NPHS1: variants seen among roughly 807,000 people sequenced by gnomAD.
NPHS1 encodes NPHS1 adhesion molecule, nephrin, also known as nephrin.
A neutral mutation model predicts 139.7 loss-of-function variants in NPHS1; 107 were observed. The observed-to-expected ratio is 0.77, with a 90% CI of 0.66 to 0.90. The LOEUF is 0.90. Among genes scored for constraint, NPHS1 ranks in the 40% least tolerant of loss-of-function variants. The pLI is 0.00. For synonymous variants in NPHS1, 707 were observed against 706.6 expected (o/e 1.00, Z -0.01); for missense variants, 1,580 against 1,654.2 (o/e 0.96, Z 0.78).
At chr19:35,832,806 G>T (rs1356095548) in intron 23 of NPHS1, among the ~76,000 whole-genome samples, 1 of 142,234 alleles carries the variant, frequency 7.0e-6, no homozygotes, top group Non-Finnish European at 1.5e-5. Context: ...GGAATCACTT[G>T]AACTGGGGAG....
At position 35,839,525 on chromosome 19, in the gene NPHS1, A is replaced by T. The variant is rs760454906; in HGVS notation, c.2898T>A (p.Asp966Glu). Residue 966 changes from aspartate (D) to glutamate (E), a missense_variant, in exon 21 of 29, where the codon GAT (aspartate) becomes GAA (glutamate). Asp to Glu is a conservative substitution (Grantham distance 45). Coordinates refer to ENST00000378910, the MANE Select transcript of NPHS1 (RefSeq NM_004646.4). ...SVGLEWKPGF[D>E]GGLPQRFCIR... ...TGCAGAACCTCTGTGGCAGGCCCCCATCAAAGCCAGGCTTCCACTCCAGCC... is the reference window on the plus strand; with the variant it reads ...TGCAGAACCTCTGTGGCAGGCCCCCTTCAAAGCCAGGCTTCCACTCCAGCC... 6.2e-7 allele frequency: 1 copy of T among 1,612,210 alleles called. No individual in the cohort carries two copies. The highest frequency in any genetic ancestry group is 2.2e-5 in the East Asian group (1 of 44,856).
intron 16 of NPHS1, chr19:35,843,796 T>C: frequency 1.5e-6 from 1 of 678,182 alleles, no homozygotes. Flanking sequence ...CTGTGATAAT[T>C]AGAGTGAGTT....
intron 23 of NPHS1, among the ~76,000 whole-genome samples, chr19:35,832,620 T>G (rs945396493): frequency 6.6e-6 from 1 of 151,632 alleles, no homozygotes; most frequent in Non-Finnish European, 1.5e-5. Context: ...CTGGGCACGG[T>G]GGCTCACGCC....
chr19:35,848,450 G>T, intron 9 of NPHS1, 53 bp from the exon 10 acceptor site: 2 of 1,612,854 alleles, frequency 1.2e-6, no homozygotes, highest in South Asian at 2.2e-5. Flanking sequence ...TATCCATCGT[G>T]CTAGAGGCCT....
intron 20 of NPHS1, 32 bp downstream of exon 20, chr19:35,841,683 C>T (rs755466796): frequency 1.9e-6 from 3 of 1,612,908 alleles, no homozygotes; most frequent in African/African-American, 2.7e-5. Flanking sequence ...AGGGAGCACC[C>T]CCTCCCCAAC....
chr19:35,839,479 C>T lies in NPHS1; in HGVS notation c.2927+17G>A. The stretch of plus-strand genomic sequence containing the variant: ...CCCTAGCCCATTCCCTTCCCTCCTG[C>T]CTCGACAAGGACCCACCTGATGCAG... On this transcript the variant is annotated intron_variant, in intron 21 of 28. Transcript: ENST00000378910. The T allele has an allele frequency of 6.2e-7, 1 of 1,613,796 alleles. No individual in the cohort carries two copies. The highest frequency in any genetic ancestry group is 8.5e-7 in the Non-Finnish European group (1 of 1,179,700).
chr19:35,832,118 C>T (rs978890839), intron 23 of NPHS1, among the ~76,000 whole-genome samples: 2 of 152,192 alleles, frequency 1.3e-5, no homozygotes, highest in Non-Finnish European at 2.9e-5. Flanking sequence ...ACTGGACTGT[C>T]CAGCCACACA....
chr19:35,833,625 C>T (rs772375390), intron 23 of NPHS1, among the ~76,000 whole-genome samples: 4 of 152,138 alleles, frequency 2.6e-5, no homozygotes, highest in Non-Finnish European at 5.9e-5. Context: ...GGGTGAGAAA[C>T]AGATCGCTGG....
rs914811024 is a variant in NPHS1 at position 35,835,679 on chromosome 19, G to A, written c.3166+26C>T. 5 of 1,607,092 alleles carry A rather than the reference G, an allele frequency of 3.1e-6. No individual in the cohort carries two copies. The South Asian group carries it at 3.3e-5, about 11-fold the overall frequency. ...GAGGTTCCATTCTCAGGGGAGCCGG[G>A]AGGGATCAGGGGACTGAGGACTTGC... On this transcript the variant is annotated intron_variant, in intron 23 of 28. Coordinates refer to ENST00000378910, the MANE Select transcript of NPHS1 (RefSeq NM_004646.4).
At chr19:35,850,874 C>A in intron 4 of NPHS1, 87 bp downstream of exon 4, 1 of 1,537,746 alleles carries the variant, frequency 6.5e-7, no homozygotes, top group Non-Finnish European at 8.9e-7. Flanking sequence ...TTCTGGGGCC[C>A]TTAGAAGGGT....
intron 28 of NPHS1, among the ~76,000 whole-genome samples, chr19:35,827,502 C>T (rs1972814339): frequency 6.6e-6 from 1 of 152,056 alleles, no homozygotes; most frequent in Admixed American, 6.6e-5. Flanking sequence ...AGTAGCAACC[C>T]TTGGTCAATT....
Position 35,845,849 on chromosome 19 carries a change from T to C in NPHS1, c.1628-51A>G. 6.3e-7 allele frequency: 1 copy of C among 1,591,432 alleles called. No individual in the cohort carries two copies. On this transcript the variant is annotated intron_variant, in intron 12 of 28. Coordinates refer to ENST00000378910, the MANE Select transcript of NPHS1 (RefSeq NM_004646.4). This position sits in a 1 kb window ranked among gnomAD's most constrained non-coding sequence, Gnocchi z 5.5. ...GACTCAGAGGTTAGGGGCGGCCTGGTCTGCGTCCACCCCGCCTGCACCCCA... is the reference window on the plus strand; with the variant it reads ...GACTCAGAGGTTAGGGGCGGCCTGGCCTGCGTCCACCCCGCCTGCACCCCA...
At chr19:35,831,784 C>T (rs201503542) in intron 23 of NPHS1, 22 bp from the exon 24 acceptor site, 5 of 1,552,898 alleles carry the variant, frequency 3.2e-6, no homozygotes, top group African/African-American at 2.7e-5. Flanking sequence ...AGATACCCCT[C>T]AGTGAATCCC....
intron 23 of NPHS1, among the ~76,000 whole-genome samples, chr19:35,833,433 C>T (rs1178662969): frequency 6.6e-6 from 1 of 152,136 alleles, no homozygotes; most frequent in Non-Finnish European, 1.5e-5. Flanking sequence ...ATAAGAGTCT[C>T]CATTCCTCTC....
chr19:35,829,543 CTT>C (rs60571055), intron 28 of NPHS1, among the ~76,000 whole-genome samples: 38 of 146,544 alleles, frequency 2.6e-4, no homozygotes, highest in Admixed American at 8.2e-4. Flanking sequence ...ATTTTTTAAA[CTT>C]TTTTTTTTTT....
chr19:35,826,777 A>G (rs1367676632), intron 28 of NPHS1, 132 bp from the exon 29 acceptor site: 1 of 973,336 alleles, frequency 1.0e-6, no homozygotes, highest in Non-Finnish European at 1.6e-6. Flanking sequence ...ATCCCAACAT[A>G]TACAAAAAAG....
Position 35,831,390 on chromosome 19 carries a change from G to C in NPHS1, c.3312-19C>G, listed in dbSNP as rs780567308. On this transcript the variant is annotated intron_variant, in intron 25 of 28. Transcript: ENST00000378910. ...TTCCGACCTTCCAGGATGAAGGTGTGGGGGGAAGTTGAGTGCTGCCCCCCG... is the reference window on the plus strand; with the variant it reads ...TTCCGACCTTCCAGGATGAAGGTGTCGGGGGAAGTTGAGTGCTGCCCCCCG... The C allele has an allele frequency of 3.1e-6, 5 of 1,613,452 alleles. No individual in the cohort carries two copies. The East Asian group carries it at 1.1e-4, about 36-fold the overall frequency.
chr19:35,826,525 G>T lies in NPHS1; in HGVS notation c.3715C>A (p.His1239Asn). 3 of 1,613,788 alleles carry T rather than the reference G, an allele frequency of 1.9e-6. No individual in the cohort carries two copies. Among genetic ancestry groups the T allele is most frequent in the Non-Finnish European group, 2.5e-6 (3 of 1,180,032 alleles). ...GGTTGAGAGGGCTCTTACACCAGAT[G>T]TCCCCTCAGCTCGAAGGGCAGAGAA... Reference protein sequence around the residue: ...PDSLPFELRGHLV With the variant: ...PDSLPFELRGNLV Residue 1239 changes from histidine (H) to asparagine (N), a missense_variant, in exon 29 of 29, where the codon CAT becomes AAT. Physicochemically the swap from His to Asn is moderately conservative, Grantham distance 68. Transcript: ENST00000378910.
rs1973105608 is a variant in NPHS1 at position 35,844,381 on chromosome 19, A to G, written c.2009T>C (p.Val670Ala). 6.2e-7 allele frequency: 1 copy of G among 1,612,966 alleles called. No homozygotes were observed. The highest frequency in any genetic ancestry group is 1.1e-5 in the South Asian group (1 of 90,918). ...EQGEALLPVS[V>A]SANPAPEAFN... is the part of the protein sequence containing the mutation. ...GGCCTCGGGGGCGGGGTTAGCGGAC[A>G]CGGACACGGGCAGCAACGCCTCGCC... Residue 670 changes from valine to alanine, a missense_variant, in exon 15 of 29, where the codon GTG (valine) becomes GCG (alanine). By Grantham distance (64) the Val-to-Ala change is moderately conservative. Transcript: ENST00000378910.
Sources: gnomAD v4.1 joint callset for allele counts (sites outside exome capture counted in the v4.1 genomes callset) on GRCh38, gnomAD v4.1.1 for gene constraint, Gnocchi (gnomAD v3.1) non-coding constraint, MANE v1.5 for transcripts, NCBI Gene and HGNC (gene_info 2026-07-23, HGNC 2026-07-21) for gene names.